Variants in ERC2 observed in about 807,000 individuals in gnomAD.
The protein encoded by ERC2 is ERC protein 2.
ERC2 carries 42 observed loss-of-function variants against 114.8 expected under a neutral mutation model. That is an observed-to-expected ratio of 0.37 (90% confidence interval 0.29 to 0.47). ERC2 has a LOEUF of 0.47. ERC2 is among the 20% of genes least tolerant of loss of function. ERC2 has a pLI of 0.99. For synonymous variants in ERC2, 454 were observed against 425.5 expected, an observed-to-expected ratio of 1.07 and a Z score of -0.82; for missense variants, 939 against 1,150.7, an observed-to-expected ratio of 0.82 and a Z score of 2.66.
intron 2 of ERC2, among the ~76,000 whole-genome samples, chr3:56,393,353 A>C (rs1216509355): frequency 1.3e-5 from 2 of 152,170 alleles, no homozygotes; most frequent in African/African-American, 4.8e-5. Context: ...AGCCGAGATC[A>C]TACCTCTATA....
intron 17 of ERC2, among the ~76,000 whole-genome samples, chr3:55,525,991 T>C (rs1488676752): frequency 6.6e-6 from 1 of 152,176 alleles, no homozygotes; most frequent in African/African-American, 2.4e-5. Context: ...TGAATTAAGA[T>C]AAGGTTATAC....
intron 14 of ERC2, among the ~76,000 whole-genome samples, chr3:55,761,605 G>T (rs952866720): frequency 6.6e-6 from 1 of 152,104 alleles, no homozygotes; most frequent in African/African-American, 2.4e-5. Flanking sequence ...CAGATGAGGT[G>T]ATATGGTTTG....
At chr3:55,547,361 C>T (rs1480017495) in intron 17 of ERC2, among the ~76,000 whole-genome samples, 4 of 152,252 alleles carry the variant, frequency 2.6e-5, no homozygotes, top group Non-Finnish European at 5.9e-5. Context: ...AGCAAATGTT[C>T]CTGGAGCCTT....
At chr3:55,513,992 G>C (rs2052306530) in intron 17 of ERC2, among the ~76,000 whole-genome samples, 1 of 152,104 alleles carries the variant, frequency 6.6e-6, no homozygotes. Flanking sequence ...CCTTATCCAA[G>C]ATTCCCTATC....
At chr3:55,552,897 A>AGTT (rs1170983871) in intron 17 of ERC2, among the ~76,000 whole-genome samples, 1 of 150,320 alleles carries the variant, frequency 6.7e-6, no homozygotes, top group African/African-American at 2.5e-5. Context: ...CGACTGAATT[A>AGTT]GTTCTTTTCT....
At chr3:55,893,536 C>G (rs1266822266) in intron 13 of ERC2, among the ~76,000 whole-genome samples, 1 of 152,102 alleles carries the variant, frequency 6.6e-6, no homozygotes, top group Non-Finnish European at 1.5e-5. Flanking sequence ...ACTCTTGACC[C>G]GTGTACACCT....
At chr3:56,181,555 C>T (rs573514542) in intron 3 of ERC2, among the ~76,000 whole-genome samples, 2 of 152,230 alleles carry the variant, frequency 1.3e-5, no homozygotes, top group East Asian at 1.9e-4. Flanking sequence ...CTCATACTAG[C>T]CAATCTCAGG....
At chr3:56,236,884 A>G (rs1476592243) in intron 3 of ERC2, among the ~76,000 whole-genome samples, 1 of 152,230 alleles carries the variant, frequency 6.6e-6, no homozygotes, top group Non-Finnish European at 1.5e-5. Context: ...TCGATGCAAA[A>G]ATAGACATAC....
chr3:56,466,015 T>C (rs554638589), intron 1 of ERC2, among the ~76,000 whole-genome samples: 15 of 152,376 alleles, frequency 9.8e-5, no homozygotes, highest in East Asian at 1.9e-4. Context: ...CTTGCTTTCA[T>C]ACTAAACTGT....
At chr3:56,049,464 A>C (rs2075651117) in intron 7 of ERC2, among the ~76,000 whole-genome samples, 1 of 152,198 alleles carries the variant, frequency 6.6e-6, no homozygotes, top group African/African-American at 2.4e-5. Context: ...GGACTGAAGG[A>C]TGCAAAGTAT....
chr3:55,933,507 T>C (rs1050295823), intron 13 of ERC2, among the ~76,000 whole-genome samples: 1 of 152,264 alleles, frequency 6.6e-6, no homozygotes, highest in Non-Finnish European at 1.5e-5. Flanking sequence ...ATTTATTTCA[T>C]GGCTAAAATT....
chr3:56,279,669 G>A (rs143754594), intron 3 of ERC2, among the ~76,000 whole-genome samples: 97 of 152,298 alleles, frequency 6.4e-4, no homozygotes, highest in African/African-American at 2.1e-3. Context: ...TTTGTCCTTC[G>A]GGCAATGCAG....
intron 17 of ERC2, among the ~76,000 whole-genome samples, chr3:55,515,291 G>C (rs1279804371): frequency 2.0e-5 from 3 of 151,374 alleles, no homozygotes; most frequent in Non-Finnish European, 4.4e-5. Context: ...ACAAACATTT[G>C]CAAGTGTATA....
chr3:55,997,928 T>C (rs1198214693), intron 10 of ERC2, among the ~76,000 whole-genome samples: 2 of 67,850 alleles, frequency 2.9e-5, no homozygotes, highest in African/African-American at 1.2e-4. Flanking sequence ...GTGTGTTTTT[T>C]GTTTTTTTTT....
intron 3 of ERC2, among the ~76,000 whole-genome samples, chr3:56,208,304 T>C (rs1367702441): frequency 1.7e-5 from 2 of 118,328 alleles, no homozygotes; most frequent in African/African-American, 5.6e-5. Context: ...AAGATGGCAA[T>C]TCTAACATTC....
At chr3:55,615,684 C>T (rs1015833437) in intron 17 of ERC2, among the ~76,000 whole-genome samples, 2 of 152,130 alleles carry the variant, frequency 1.3e-5, no homozygotes, top group Non-Finnish European at 2.9e-5. Context: ...GTATTTTACC[C>T]AATATTACAT....
At chr3:55,580,435 G>C (rs1255335183) in intron 17 of ERC2, among the ~76,000 whole-genome samples, 1 of 152,176 alleles carries the variant, frequency 6.6e-6, no homozygotes, top group African/African-American at 2.4e-5. Flanking sequence ...GACCAAGAGA[G>C]ACCAAATGCA....
chr3:56,354,808 T>C (rs2058682346), intron 2 of ERC2, among the ~76,000 whole-genome samples: 1 of 152,206 alleles, frequency 6.6e-6, no homozygotes, highest in South Asian at 2.1e-4. Context: ...TATTCAATGA[T>C]TAACACATTC....
In ERC2 at chr3:55,639,027, A is replaced by G. The variant is rs141166009; in HGVS notation, c.*39+44767T>C. ...AATACCTGAGCGTTGAGAACACCCTATAGAAATGGCTTCAAAACCAGGCAA... is the reference window on the plus strand; with the variant it reads ...AATACCTGAGCGTTGAGAACACCCTGTAGAAATGGCTTCAAAACCAGGCAA... On this transcript the variant is annotated intron_variant, in intron 17 of 17. Transcript: ENST00000288221. Among the ~76,000 whole-genome samples, 1,014 of 152,322 alleles carry G rather than the reference A, an allele frequency of 6.7e-3. 10 individuals carry two copies. The highest frequency in any genetic ancestry group is 9.5e-3 in the South Asian group (46 of 4,824).
Sources: gnomAD v4.1 joint callset for allele counts (sites outside exome capture counted in the v4.1 genomes callset) on GRCh38, gnomAD v4.1.1 for gene constraint, MANE v1.5 for transcripts, NCBI Gene and HGNC (gene_info 2026-07-23, HGNC 2026-07-21) for gene names.